Variants in CRIP1 observed in about 807,000 individuals in gnomAD.
CRIP1 encodes the protein cysteine-rich protein 1.
Under a neutral mutation model 12.9 loss-of-function variants are expected in CRIP1, and 11 were observed. The observed-to-expected ratio is 0.86, with a 90% CI of 0.54 to 1.42. The LOEUF is 1.42. Among genes scored for constraint, CRIP1 ranks in the 40% most tolerant of loss-of-function variants. CRIP1 has a pLI of 0.00. For synonymous variants in CRIP1, 41 were observed against 37.2 expected (o/e 1.10, Z -0.37); for missense variants, 122 against 101.3 (o/e 1.20, Z -0.88).
At position 105,488,394 on chromosome 14, in the gene CRIP1, C is replaced by T. The variant is rs782467361; in HGVS notation, c.193+6C>T. ...AGCCATGTTTGGGCCTAAAGGTATG[C>T]TCCCGTCATCCCCACCCCACCCCAC... On this transcript the variant is annotated splice_donor_region_variant and intron_variant, in intron 4 of 5. Coordinates refer to ENST00000392531, the MANE Select transcript of CRIP1 (RefSeq NM_001311.5). The T allele has an allele frequency of 1.9e-6, 3 of 1,611,254 alleles. No homozygotes were observed. Among genetic ancestry groups the T allele is most frequent in the Non-Finnish European group, 2.5e-6 (3 of 1,179,608 alleles).
chr14:105,487,765 C>A, intron 2 of CRIP1: 1 of 220,928 alleles, frequency 4.5e-6, no homozygotes, highest in Non-Finnish European at 8.9e-6. Context: ...CCCCTGTCCC[C>A]GCCGAGAAGG....
Position 105,488,174 on chromosome 14 carries a change from G to GTGAC in CRIP1, c.50_53dup (p.Ser19AspfsTer28), listed in dbSNP as rs1567069330. 1 of 1,612,646 alleles carries GTGAC rather than the reference G, an allele frequency of 6.2e-7. No homozygotes were observed. Among genetic ancestry groups the GTGAC allele is most frequent in the Admixed American group, 1.7e-5 (1 of 60,028 alleles). ...TGTCTGTGCCTCTGCAGCCGAGAGGGTGACCTCTCTGGGCAAGGACTGGCA... is the reference window on the plus strand; with the variant it reads ...TGTCTGTGCCTCTGCAGCCGAGAGGGTGACTGACCTCTCTGGGCAAGGACTGGCA... On this transcript the variant is annotated frameshift_variant, in exon 3 of 6. Coordinates refer to ENST00000392531, the MANE Select transcript of CRIP1 (RefSeq NM_001311.5). LOFTEE classifies it high-confidence loss of function.
At chr14:105,487,604 G>C (rs1201376601) in intron 2 of CRIP1, 1 of 344,680 alleles carries the variant, frequency 2.9e-6, no homozygotes, top group Non-Finnish European at 5.2e-6. Context: ...TGGGGGACCC[G>C]CAGGGCTGGA....
chr14:105,487,574 C>T (rs899109031), intron 2 of CRIP1: 1 of 404,784 alleles, frequency 2.5e-6, no homozygotes, highest in Non-Finnish European at 4.4e-6. Flanking sequence ...TCTGCCGTTT[C>T]CTCTCAGGCG....
At chr14:105,488,308 C>T (rs1469570366) in intron 3 of CRIP1, 23 bp from the exon 4 acceptor site, 6 of 1,613,316 alleles carry the variant, frequency 3.7e-6, no homozygotes, top group East Asian at 2.2e-5. Context: ...GATGGCACCC[C>T]CTCACGGCCC....
intron 2 of CRIP1, 147 bp downstream of exon 2, chr14:105,487,446 G>C: frequency 1.5e-6 from 1 of 651,492 alleles, no homozygotes. Flanking sequence ...CCTGCCCCGG[G>C]ATGAGGGTGG....
chr14:105,487,161 G>T, intron 1 of CRIP1, 38 bp from the exon 2 acceptor site: 1 of 1,490,894 alleles, frequency 6.7e-7, no homozygotes, highest in South Asian at 1.3e-5. Flanking sequence ...GGGGTCCCGG[G>T]GTCCCTGAAA....
intron 2 of CRIP1, chr14:105,487,641 C>A: frequency 3.7e-6 from 1 of 272,232 alleles, no homozygotes; most frequent in Non-Finnish European, 6.8e-6. Context: ...GGCCGCGCCC[C>A]CCAGCGCTAA....
rs992856816 is a variant in CRIP1 at position 105,487,219 on chromosome 14, C to A, written c.-41C>A. On this transcript the variant is annotated 5_prime_UTR_variant, in exon 2 of 6. Transcript: ENST00000392531. Reference sequence around the variant, plus strand: ...CCCAGTCTCGCGCCTGCAGCCCGTGCCGCCCCAGCCGCTGCCGCCTGCACC... The same window carrying A: ...CCCAGTCTCGCGCCTGCAGCCCGTGACGCCCCAGCCGCTGCCGCCTGCACC... 1.9e-6 allele frequency: 3 copies of A among 1,539,910 alleles called. No individual in the cohort carries two copies. The highest frequency in any genetic ancestry group is 2.8e-5 in the African/African-American group (2 of 71,898).
At position 105,487,623 on chromosome 14, in the gene CRIP1, G is replaced by A. The variant is rs587647056; in HGVS notation, c.40+324G>A. On this transcript the variant is annotated intron_variant, in intron 2 of 5. Coordinates refer to ENST00000392531, the MANE Select transcript of CRIP1 (RefSeq NM_001311.5). ...GGACCCGCAGGGCTGGAAGGAACGC[G>A]GGGCTGGGGCCGCGCCCCCCAGCGC... 470 of 299,722 alleles carry A rather than the reference G, an allele frequency of 1.6e-3. 2 individuals are homozygous for A. The highest frequency in any genetic ancestry group is 2.6e-3 in the Non-Finnish European group (420 of 163,568). 18.6% of individuals were successfully genotyped at this position (299,722 alleles called of 1,614,324 possible).
chr14:105,486,919 C>G lies in CRIP1; in HGVS notation c.-115C>G, dbSNP rs1482618793. 3.6e-6 allele frequency: 4 copies of G among 1,124,250 alleles called. No individual in the cohort carries two copies. Among genetic ancestry groups the G allele is most frequent in the Non-Finnish European group, 4.4e-6 (4 of 918,280 alleles). The allele number at this position is 1,124,250 out of a possible 1,614,324, so 69.6% of individuals were successfully genotyped here. A position where few individuals can be genotyped will look rare whatever the true frequency, so the allele number is the denominator to read the frequency against. On this transcript the variant is annotated 5_prime_UTR_variant, in exon 1 of 6. Coordinates refer to ENST00000392531, the MANE Select transcript of CRIP1 (RefSeq NM_001311.5). ...TCGGAACTGGACCCGGGAGACATCA[C>G]AGCGCTGGGCTAGGGGCGCGGCTTG...
At position 105,487,377 on chromosome 14, in the gene CRIP1, G is replaced by A. The variant is rs1176800738; in HGVS notation, c.40+78G>A. ...GGCTGGGGACCGCTCAGGAGGACCGGGGGCGCTGGGTCCCTGGGGCGGCGC... is the reference window on the plus strand; with the variant it reads ...GGCTGGGGACCGCTCAGGAGGACCGAGGGCGCTGGGTCCCTGGGGCGGCGC... On this transcript the variant is annotated intron_variant, in intron 2 of 5. Transcript: ENST00000392531. The A allele has an allele frequency of 8.3e-6, 11 of 1,321,958 alleles. No individual in the cohort carries two copies. In the African/African-American group the frequency reaches 1.5e-4, roughly 18 times the overall value. 81.9% of individuals were successfully genotyped at this position (1,321,958 alleles called of 1,614,324 possible). A position where few individuals can be genotyped will look rare whatever the true frequency, so the allele number is the denominator to read the frequency against.
At chr14:105,486,993 GC>G (rs34296176) in intron 1 of CRIP1, 21 bp downstream of exon 1, 1,281,301 of 1,290,542 alleles carry the variant, frequency 0.99, 636,533 homozygotes, top group East Asian at 1. Flanking sequence ...ATGGCCCCCT[GC>G]CCCCCCGCGC....
intron 2 of CRIP1, chr14:105,487,689 T>C (rs12879031): frequency 0.17 from 31,421 of 182,452 alleles, 3,226 homozygotes; most frequent in Middle Eastern, 0.24. Flanking sequence ...CGGGGCGCGA[T>C]CCCGGGCGCC....
intron 2 of CRIP1, chr14:105,487,928 C>T: frequency 1.8e-6 from 1 of 547,508 alleles, no homozygotes; most frequent in Non-Finnish European, 3.3e-6. Context: ...CCGGCCGCAC[C>T]CGAAAGTGCC....
At chr14:105,488,293 G>C (rs1555438478) in intron 3 of CRIP1, 33 bp downstream of exon 3, 1 of 1,613,446 alleles carries the variant, frequency 6.2e-7, no homozygotes, top group South Asian at 1.1e-5. Context: ...GCAGGGGCCA[G>C]GGGTGATGGC....
rs587754258 is a variant in CRIP1 at position 105,487,375 on chromosome 14, C to T, written c.40+76C>T. The T allele has an allele frequency of 8.2e-5, 111 of 1,361,322 alleles. 1 individual carries two copies. In the Admixed American group the frequency reaches 9.5e-4, roughly 12 times the overall value. The allele number at this position is 1,361,322 out of a possible 1,614,324, so 84.3% of individuals were successfully genotyped here. Reference sequence around the variant, plus strand: ...GAGGCTGGGGACCGCTCAGGAGGACCGGGGGCGCTGGGTCCCTGGGGCGGC... The same window carrying T: ...GAGGCTGGGGACCGCTCAGGAGGACTGGGGGCGCTGGGTCCCTGGGGCGGC... On this transcript the variant is annotated intron_variant, in intron 2 of 5. Transcript: ENST00000392531.
At position 105,488,726 on chromosome 14, in the gene CRIP1, C is replaced by A. The variant is rs587772737; in HGVS notation, c.*69C>A. 3.8e-5 allele frequency: 23 copies of A among 602,150 alleles called. No individual in the cohort carries two copies. The Admixed American group carries it at 5.4e-4, about 14-fold the overall frequency. The allele number at this position is 602,150 out of a possible 1,614,324, so 37.3% of individuals were successfully genotyped here. Reference sequence around the variant, plus strand: ...TGTCCAGGCAAATGCCAGGCCTTGTCCCCAGATGCCCAGGGCTCCCTTGTT... The same window carrying A: ...TGTCCAGGCAAATGCCAGGCCTTGTACCCAGATGCCCAGGGCTCCCTTGTT... On this transcript the variant is annotated 3_prime_UTR_variant, in exon 6 of 6. Transcript: ENST00000392531.
chr14:105,488,601 G>A (rs879992801), intron 5 of CRIP1, 62 bp from the exon 6 acceptor site: 9 of 1,409,690 alleles, frequency 6.4e-6, no homozygotes, highest in Admixed American at 3.9e-5. Context: ...CTGACCACTC[G>A]TGGGCCCCAA....
Sources: gnomAD v4.1 joint callset for allele counts on GRCh38, gnomAD v4.1.1 for gene constraint, MANE v1.5 for transcripts, NCBI Gene and HGNC (gene_info 2026-07-23, HGNC 2026-07-21) for gene names.